Variants in DPP6 observed in about 807,000 individuals in gnomAD.
The protein encoded by DPP6 is A-type potassium channel modulatory protein DPP6.
In DPP6, 69 loss-of-function variants were observed where a neutral mutation model predicts 122.6. The observed-to-expected ratio is 0.56, with a 90% CI of 0.46 to 0.69. DPP6 has a LOEUF of 0.69. Ranked by LOEUF, DPP6 falls within the 30% of genes least tolerant of loss-of-function variation. The pLI is 0.00. For missense variants in DPP6, 928 were observed against 1,116.9 expected (o/e 0.83, Z 2.41); for synonymous variants, 418 against 433.1 (o/e 0.97, Z 0.43).
At chr7:154,614,858 T>A (rs1466523707) in intron 5 of DPP6, among the ~76,000 whole-genome samples, 1 of 152,222 alleles carries the variant, frequency 6.6e-6, no homozygotes, top group East Asian at 1.9e-4. Context: ...AGAGGCCAAG[T>A]ATGTCAAATG....
chr7:154,628,646 C>T (rs1172118116), intron 5 of DPP6, among the ~76,000 whole-genome samples: 2 of 151,850 alleles, frequency 1.3e-5, no homozygotes, highest in African/African-American at 2.4e-5. Flanking sequence ...GAGATGAGCT[C>T]GTTTATTTTA....
chr7:154,616,018 C>T (rs1169043035), intron 5 of DPP6, among the ~76,000 whole-genome samples: 1 of 152,144 alleles, frequency 6.6e-6, no homozygotes, highest in Admixed American at 6.5e-5. Context: ...TAATTACTCC[C>T]CCTCCAGTTT....
chr7:154,047,714 A>G (rs1177333307), upstream of DPP6, among the ~76,000 whole-genome samples: 3 of 152,374 alleles, frequency 2.0e-5, no homozygotes, highest in South Asian at 4.1e-4. Flanking sequence ...AAATATTCAG[A>G]GGGCAGCAAG....
chr7:154,884,091 T>C (rs1318371015), intron 21 of DPP6: 1 of 129,376 alleles, frequency 7.7e-6, no homozygotes, highest in African/African-American at 3.2e-5. Flanking sequence ...CACACACACA[T>C]GCTCACCCAT....
chr7:153,961,435 G>A (rs528563895), intron 1 of DPP6, among the ~76,000 whole-genome samples: 1 of 150,934 alleles, frequency 6.6e-6, no homozygotes, highest in African/African-American at 2.4e-5. Flanking sequence ...TGGAGAGCAC[G>A]CTCTTTTCAA....
intron 7 of DPP6, among the ~76,000 whole-genome samples, chr7:154,682,189 T>C (rs570728139): frequency 4.6e-5 from 7 of 152,356 alleles, no homozygotes; most frequent in Admixed American, 1.3e-4. Context: ...TTGTGAGCAA[T>C]ACCAAGGAAG....
rs1444954809 is a variant in DPP6, at chr7:154,676,351, T to A, written c.762+6910T>A. Among the ~76,000 whole-genome samples, 2 of 114,370 alleles carry A rather than the reference T, an allele frequency of 1.7e-5. 1 individual carries two copies. The highest frequency in any genetic ancestry group is 4.4e-5 in the Non-Finnish European group (2 of 45,908). 75.0% of individuals were successfully genotyped at this position (114,370 alleles called of 152,430 possible). On this transcript the variant is annotated intron_variant, in intron 7 of 25. Coordinates refer to ENST00000377770, the MANE Select transcript of DPP6 (RefSeq NM_130797.4). ...GGCTGCGGCCATGGGGCGTGCTGTCTGGAGGTCCAGCTGGCCTTCCCCATG... is the reference window on the plus strand; with the variant it reads ...GGCTGCGGCCATGGGGCGTGCTGTCAGGAGGTCCAGCTGGCCTTCCCCATG...
intron 1 of DPP6, among the ~76,000 whole-genome samples, chr7:154,070,331 A>G (rs1426765821): frequency 6.6e-6 from 1 of 151,776 alleles, no homozygotes; most frequent in Admixed American, 6.6e-5. Context: ...ATTATATGGA[A>G]GAAAACCTTA....
At chr7:154,462,313 C>A (rs1821367827) in intron 2 of DPP6, among the ~76,000 whole-genome samples, 1 of 152,096 alleles carries the variant, frequency 6.6e-6, no homozygotes, top group African/African-American at 2.4e-5. Flanking sequence ...CAGTTTTGTT[C>A]ATTTTACTTA....
chr7:154,150,039 G>T (rs1796331615), intron 1 of DPP6, among the ~76,000 whole-genome samples: 1 of 152,200 alleles, frequency 6.6e-6, no homozygotes, highest in Admixed American at 6.5e-5. Flanking sequence ...TCTTTCCCCA[G>T]CATCGCTTGA....
At chr7:153,973,327 C>T (rs904234169) in intron 1 of DPP6, among the ~76,000 whole-genome samples, 2 of 152,190 alleles carry the variant, frequency 1.3e-5, no homozygotes, top group African/African-American at 4.8e-5. Context: ...TGGCATGAGA[C>T]ACTCAGAGCT....
chr7:154,742,053 T>C (rs933885233), intron 8 of DPP6, among the ~76,000 whole-genome samples: 3 of 152,184 alleles, frequency 2.0e-5, no homozygotes, highest in Non-Finnish European at 4.4e-5. Context: ...TGAGTCACTA[T>C]GGATTGCAGT....
At chr7:154,459,837 A>G (rs1821136463) in intron 2 of DPP6, among the ~76,000 whole-genome samples, 1 of 150,788 alleles carries the variant, frequency 6.6e-6, no homozygotes, top group South Asian at 2.1e-4. Context: ...AAAGAAAAAG[A>G]AAAGAAAAGA....
At chr7:153,884,733 C>G (rs903950273), upstream of DPP6, among the ~76,000 whole-genome samples, 1 of 152,036 alleles carries the variant, frequency 6.6e-6, no homozygotes, top group African/African-American at 2.4e-5. Context: ...AATTCCAGCA[C>G]TTTGGGGAGG....
In DPP6 at chr7:154,283,422, G is replaced by A. The variant is rs556955732; in HGVS notation, c.244-162792G>A. On this transcript the variant is annotated intron_variant, in intron 1 of 25. Transcript: ENST00000377770. ...GTAACTATTAGAATGCCTAGAACACGGTACTTGTTAGTAAGAGTTATTCAT... is the reference window on the plus strand; with the variant it reads ...GTAACTATTAGAATGCCTAGAACACAGTACTTGTTAGTAAGAGTTATTCAT... Among the ~76,000 whole-genome samples, 14 of 151,908 alleles carry A rather than the reference G, an allele frequency of 9.2e-5. No individual in the cohort carries two copies. The East Asian group carries it at 1.2e-3, about 13-fold the overall frequency.
intron 1 of DPP6, among the ~76,000 whole-genome samples, chr7:154,068,283 T>C (rs1393341956): frequency 6.7e-6 from 1 of 148,490 alleles, no homozygotes. Flanking sequence ...ATTCTTGGAG[T>C]AATAAGAATT....
At chr7:154,372,384 A>G (rs1470858079) in intron 1 of DPP6, among the ~76,000 whole-genome samples, 1 of 152,044 alleles carries the variant, frequency 6.6e-6, no homozygotes, top group African/African-American at 2.4e-5. Context: ...TCTGGTCAGC[A>G]CTCACCGCTC....
chr7:154,852,468 C>A (rs143476679), intron 16 of DPP6, among the ~76,000 whole-genome samples: 11 of 149,566 alleles, frequency 7.4e-5, no homozygotes, highest in Non-Finnish European at 1.3e-4. Context: ...GGGACAGGCT[C>A]TCCTGGCTCT....
intron 5 of DPP6, among the ~76,000 whole-genome samples, chr7:154,597,755 T>C (rs1457692237): frequency 6.6e-6 from 1 of 152,194 alleles, no homozygotes; most frequent in Non-Finnish European, 1.5e-5. Flanking sequence ...CAGGGTGGGC[T>C]CCTGCTGAGG....
Sources: gnomAD v4.1 joint callset for allele counts (sites outside exome capture counted in the v4.1 genomes callset) on GRCh38, gnomAD v4.1.1 for gene constraint, MANE v1.5 for transcripts, NCBI Gene and HGNC (gene_info 2026-07-23, HGNC 2026-07-21) for gene names.